Variants in GAPVD1 observed in about 807,000 individuals in gnomAD.
GAPVD1 encodes the protein GTPase activating protein and VPS9 domains 1.
Under a neutral mutation model 155.5 loss-of-function variants are expected in GAPVD1, and 35 were observed. The observed-to-expected ratio is 0.23, with a 90% CI of 0.17 to 0.30. The LOEUF (loss-of-function observed/expected upper bound fraction) is 0.30, where lower values mean the gene tolerates loss of function less well. GAPVD1 is among the 10% of genes least tolerant of loss of function. The pLI is 1.00. For synonymous variants in GAPVD1, 636 were observed against 619.7 expected, an observed-to-expected ratio of 1.03 and a Z score of -0.39; for missense variants, 1,429 against 1,775.7, an observed-to-expected ratio of 0.80 and a Z score of 3.51.
At chr9:125,274,152 T>C (rs1281531302) in intron 2 of GAPVD1, among the ~76,000 whole-genome samples, 1 of 149,074 alleles carries the variant, frequency 6.7e-6, no homozygotes, top group African/African-American at 2.5e-5. Flanking sequence ...CAAGTAGCTG[T>C]GATTACAGGC....
chr9:125,306,537 C>T (rs539299433), intron 6 of GAPVD1, among the ~76,000 whole-genome samples: 66 of 152,118 alleles, frequency 4.3e-4, no homozygotes, highest in African/African-American at 1.5e-3. Context: ...CAGGGTCTCA[C>T]TTTGTCACCC....
At chr9:125,345,559 C>T (rs1848406076) in intron 19 of GAPVD1, among the ~76,000 whole-genome samples, 1 of 152,144 alleles carries the variant, frequency 6.6e-6, no homozygotes, top group Admixed American at 6.6e-5. Flanking sequence ...CCATGTTGTT[C>T]AAGGGTCAAC....
intron 4 of GAPVD1, among the ~76,000 whole-genome samples, chr9:125,301,650 G>A (rs944969726): frequency 6.6e-6 from 1 of 151,270 alleles, no homozygotes; most frequent in Non-Finnish European, 1.5e-5. Context: ...GAGTTTCGCC[G>A]TGTTGGCCAG....
At position 125,299,085 on chromosome 9, in the gene GAPVD1, T is replaced by G; in HGVS notation, c.164T>G (p.Leu55Trp). Residue 55 changes from leucine to tryptophan, a missense_variant, in exon 4 of 28, where the codon TTG becomes TGG. Physicochemically the swap from Leu to Trp is moderately conservative, Grantham distance 61 (BLOSUM62 -2). Transcript: ENST00000297933. Reference protein sequence around the residue: ...AWIAKQQRINLDRLIITSAEA... With the variant: ...AWIAKQQRINWDRLIITSAEA... ...ATTGCGAAGCAACAGAGAATCAATT[T>G]GGATCGGCTTATCATAACCAGGTAA... 6.3e-7 allele frequency: 1 copy of G among 1,599,912 alleles called. No individual in the cohort carries two copies. Among genetic ancestry groups the G allele is most frequent in the Non-Finnish European group, 8.5e-7 (1 of 1,173,782 alleles).
At chr9:125,342,067 A>G (rs1313961365) in intron 18 of GAPVD1, 152 bp from the exon 19 acceptor site, 2 of 562,312 alleles carry the variant, frequency 3.6e-6, no homozygotes, top group Middle Eastern at 4.4e-4. Flanking sequence ...AACCTTCATT[A>G]CTATTTTAAG....
chr9:125,263,473 T>C, intron 1 of GAPVD1: 1 of 656,756 alleles, frequency 1.5e-6, no homozygotes, highest in Non-Finnish European at 2.7e-6. Context: ...ACAAAAAAAC[T>C]CCTGAAATAG....
intron 21 of GAPVD1, 93 bp from the exon 22 acceptor site, chr9:125,350,202 G>C (rs1167608221): frequency 1.4e-6 from 1 of 733,506 alleles, no homozygotes; most frequent in Non-Finnish European, 2.3e-6. Flanking sequence ...AAACATTTGA[G>C]TCCTAAGGTA....
intron 2 of GAPVD1, among the ~76,000 whole-genome samples, chr9:125,282,658 A>G (rs1836973597): frequency 6.6e-6 from 1 of 152,198 alleles, no homozygotes; most frequent in Non-Finnish European, 1.5e-5. Context: ...TTTAATTGAT[A>G]AGAATAATGA....
intron 8 of GAPVD1, chr9:125,308,330 T>A (rs3126228): frequency 0.97 from 153,481 of 158,742 alleles, 74,257 homozygotes; most frequent in East Asian, 1. Context: ...TGGGTGACCC[T>A]GAGTGAGACC....
At chr9:125,270,378 G>A (rs1258207539) in intron 2 of GAPVD1, among the ~76,000 whole-genome samples, 1 of 152,008 alleles carries the variant, frequency 6.6e-6, no homozygotes, top group African/African-American at 2.4e-5. Flanking sequence ...GCAGTGAGCT[G>A]AGATTGTGCC....
intron 26 of GAPVD1, chr9:125,359,698 T>C: frequency 3.9e-6 from 2 of 511,118 alleles, no homozygotes. Flanking sequence ...GAAAGCCAGT[T>C]GTGAGGAGCC....
chr9:125,330,368 G>A, intron 13 of GAPVD1, 150 bp downstream of exon 13: 1 of 497,236 alleles, frequency 2.0e-6, no homozygotes, highest in Non-Finnish European at 3.4e-6. Flanking sequence ...ACCCAGGCTG[G>A]AGTGCTGTGG....
At position 125,299,370 on chromosome 9, in the gene GAPVD1, A is replaced by G. The variant is rs115881037; in HGVS notation, c.185+264A>G. 5.0e-3 allele frequency among the ~76,000 whole-genome samples: 756 copies of G among 152,262 alleles called. 6 individuals carry two copies. Among genetic ancestry groups the G allele is most frequent in the African/African-American group, 0.017 (706 of 41,556 alleles). ...TGTGTCTTTGTCTATATAAAATGTT[A>G]TTGTTGGCTGGGCGTGGTGGCTCAC... On this transcript the variant is annotated intron_variant, in intron 4 of 27. Coordinates refer to ENST00000297933, the MANE Select transcript of GAPVD1 (RefSeq NM_001282680.3).
chr9:125,302,188 A>G lies in GAPVD1; in HGVS notation c.391A>G (p.Thr131Ala), dbSNP rs762838994. The change falls in exon 5 of 28, where the codon ACA becomes GCA. Residue 131 changes from threonine (T) to alanine (A), a missense_variant. Around this residue, in one of 4 missense-constraint regions of GAPVD1, gnomAD observed 628 missense variants for 733.4 expected, o/e 0.86. Coordinates refer to ENST00000297933, the MANE Select transcript of GAPVD1 (RefSeq NM_001282680.3). ...NQENTQSVIYTVFTSLYGNCI... is the reference protein window; with the variant it reads ...NQENTQSVIYAVFTSLYGNCI... ...GGAGAACACACAAAGTGTTATTTACACAGTTTTTACCTCCCTGTATGGCAA... is the reference window on the plus strand; with the variant it reads ...GGAGAACACACAAAGTGTTATTTACGCAGTTTTTACCTCCCTGTATGGCAA... 6.2e-6 allele frequency: 10 copies of G among 1,613,702 alleles called. No homozygotes were observed. Among genetic ancestry groups the G allele is most frequent in the African/African-American group, 1.3e-5 (1 of 74,898 alleles).
At chr9:125,305,814 C>T (rs1052430610) in intron 6 of GAPVD1, among the ~76,000 whole-genome samples, 3 of 152,048 alleles carry the variant, frequency 2.0e-5, no homozygotes, top group African/African-American at 7.2e-5. Context: ...CCACCATGCC[C>T]GGCTAAGTGT....
At chr9:125,310,336 G>A (rs1842477362) in intron 8 of GAPVD1, among the ~76,000 whole-genome samples, 1 of 152,094 alleles carries the variant, frequency 6.6e-6, no homozygotes, top group African/African-American at 2.4e-5. Flanking sequence ...GTAAAGAAAG[G>A]TGATTGTTTA....
intron 1 of GAPVD1, chr9:125,264,020 A>T: frequency 4.7e-6 from 6 of 1,286,104 alleles, no homozygotes; most frequent in Non-Finnish European, 6.8e-6. Flanking sequence ...GTGCTTAGGC[A>T]TGTGGACATC....
intron 15 of GAPVD1, chr9:125,335,231 A>G (rs759639664): frequency 3.9e-6 from 3 of 768,790 alleles, no homozygotes; most frequent in South Asian, 1.4e-5. Flanking sequence ...AGAAGCAGAC[A>G]TGAGAATCCA....
Position 125,305,103 on chromosome 9 carries a change from A to G in GAPVD1, c.1070A>G (p.Glu357Gly). ...CAGCAGTTAGCAATGACTGGCTCTGAAGAGGGAGATCCCCGAACAAAGAGC... is the reference window on the plus strand; with the variant it reads ...CAGCAGTTAGCAATGACTGGCTCTGGAGAGGGAGATCCCCGAACAAAGAGC... ...LLQQLAMTGS[E>G]EGDPRTKSSL... Residue 357 changes from glutamate (E) to glycine (G), a missense_variant, in exon 6 of 28, where the codon GAA (glutamate) becomes GGA (glycine). Around this residue, in one of 4 missense-constraint regions of GAPVD1, gnomAD observed 628 missense variants for 733.4 expected, o/e 0.86. Coordinates refer to ENST00000297933, the MANE Select transcript of GAPVD1 (RefSeq NM_001282680.3). The G allele has an allele frequency of 6.2e-7, 1 of 1,614,052 alleles. No homozygotes were observed. Among genetic ancestry groups the G allele is most frequent in the African/African-American group, 1.3e-5 (1 of 75,052 alleles).
Sources: allele counts gnomAD v4.1 joint callset (sites outside exome capture counted in the v4.1 genomes callset), GRCh38; gene constraint gnomAD v4.1.1; regional missense constraint gnomAD v4.1.1; transcripts MANE v1.5; gene names NCBI Gene and HGNC (gene_info 2026-07-23, HGNC 2026-07-21).